The following LPP variants were observed in gnomAD, a reference collection of about 807,000 sequenced individuals.
LPP encodes the protein lipoma-preferred partner.
LPP carries 38 observed loss-of-function variants against 60.4 expected under a neutral mutation model. That is an observed-to-expected ratio of 0.63 (90% CI 0.49 to 0.83). The LOEUF (loss-of-function observed/expected upper bound fraction) is 0.83. Ranked by LOEUF, LPP falls within the 40% of genes least tolerant of loss-of-function variation. The pLI is 0.00. For synonymous variants in LPP, 328 were observed against 290.8 expected (o/e 1.13, Z -1.30); for missense variants, 902 against 783.6 (o/e 1.15, Z -1.80).
Position 188,816,597 on chromosome 3 carries a change from C to T in LPP, c.1411-49603C>T, listed in dbSNP as rs796083848. On this transcript the variant is annotated intron_variant, in intron 9 of 11. Transcript: ENST00000617246. ...CTTATACCTCCCTTCATGTATGTTACATGTACATGTATTGAGTCAGTGCAT... is the reference window on the plus strand; with the variant it reads ...CTTATACCTCCCTTCATGTATGTTATATGTACATGTATTGAGTCAGTGCAT... Among the ~76,000 whole-genome samples the T allele has an allele frequency of 2.0e-5, 3 of 152,154 alleles. No homozygotes were observed. In the South Asian group the frequency reaches 6.2e-4, roughly 31 times the overall value.
At chr3:188,310,179 C>A (rs932706081) in intron 2 of LPP, among the ~76,000 whole-genome samples, 8 of 150,544 alleles carry the variant, frequency 5.3e-5, no homozygotes, top group Non-Finnish European at 8.9e-5. Context: ...TTATTTGTTT[C>A]TATCAGGATA....
intron 4 of LPP, among the ~76,000 whole-genome samples, chr3:188,473,014 C>T (rs1200588560): frequency 6.6e-6 from 1 of 152,086 alleles, no homozygotes; most frequent in East Asian, 1.9e-4. Flanking sequence ...TGTGGTTCTA[C>T]ATTCTTTGAC....
intron 2 of LPP, among the ~76,000 whole-genome samples, chr3:188,286,189 G>C (rs1035569973): frequency 6.6e-6 from 1 of 152,162 alleles, no homozygotes; most frequent in African/African-American, 2.4e-5. Flanking sequence ...GACTTTCCCA[G>C]AGGAAGTCAT....
At chr3:188,337,624 C>T (rs942618910) in intron 2 of LPP, among the ~76,000 whole-genome samples, 5 of 152,086 alleles carry the variant, frequency 3.3e-5, no homozygotes. Flanking sequence ...TGGTACACTG[C>T]CTTAGTTATT....
At chr3:188,203,511 A>ATTTTTAAATATATATATT (rs532663137) in intron 1 of LPP, among the ~76,000 whole-genome samples, 1 of 54,272 alleles carries the variant, frequency 1.8e-5, no homozygotes, top group Admixed American at 3.5e-4. Context: ...AAATATATAT[A>ATTTTTAAATATATATATT]TTTAAATATA....
At chr3:188,368,694 A>T (rs1350611350) in intron 3 of LPP, among the ~76,000 whole-genome samples, 9 of 116,330 alleles carry the variant, frequency 7.7e-5, no homozygotes, top group African/African-American at 2.9e-4. Context: ...ACACACACAC[A>T]CACACACACA....
At chr3:188,341,135 G>T (rs749733362) in intron 2 of LPP, among the ~76,000 whole-genome samples, 1 of 152,074 alleles carries the variant, frequency 6.6e-6, no homozygotes, top group Non-Finnish European at 1.5e-5. Flanking sequence ...TCAAATAGCT[G>T]GTTTTATTTT....
At chr3:188,498,942 T>G (rs1486382373) in intron 5 of LPP, among the ~76,000 whole-genome samples, 5 of 152,208 alleles carry the variant, frequency 3.3e-5, no homozygotes, top group Admixed American at 6.5e-5. Context: ...GCCATTTGTA[T>G]ATATATATCT....
intron 6 of LPP, among the ~76,000 whole-genome samples, chr3:188,580,756 A>G (rs1401758651): frequency 1.3e-5 from 2 of 152,160 alleles, no homozygotes; most frequent in African/African-American, 4.8e-5. Flanking sequence ...CAGAATCAGT[A>G]GAAGATATAT....
intron 6 of LPP, among the ~76,000 whole-genome samples, chr3:188,538,960 G>T (rs1395260293): frequency 6.6e-6 from 1 of 152,150 alleles, no homozygotes; most frequent in Non-Finnish European, 1.5e-5. Flanking sequence ...CCATTTATAT[G>T]AATGGGCAAA....
chr3:188,723,815 T>G (rs1717366140), intron 8 of LPP, among the ~76,000 whole-genome samples: 1 of 152,240 alleles, frequency 6.6e-6, no homozygotes, highest in Non-Finnish European at 1.5e-5. Flanking sequence ...CTATTGTATT[T>G]GATTCATAAC....
chr3:188,686,255 A>G (rs770836194), intron 7 of LPP, among the ~76,000 whole-genome samples: 39 of 152,320 alleles, frequency 2.6e-4, no homozygotes, highest in Non-Finnish European at 4.9e-4. Flanking sequence ...ACCAAAGTGC[A>G]TGGCACTTCC....
intron 3 of LPP, among the ~76,000 whole-genome samples, chr3:188,371,803 C>T (rs1773334059): frequency 1.3e-5 from 2 of 149,552 alleles, no homozygotes; most frequent in South Asian, 4.2e-4. Flanking sequence ...TGCAGGTGTG[C>T]ACCACGACAC....
At chr3:188,576,381 T>C (rs1157468762) in intron 6 of LPP, among the ~76,000 whole-genome samples, 2 of 152,170 alleles carry the variant, frequency 1.3e-5, no homozygotes, top group East Asian at 3.9e-4. Flanking sequence ...TGGTAGAATG[T>C]TGAGTGGTTC....
At chr3:188,562,883 G>A (rs1238084719) in intron 6 of LPP, among the ~76,000 whole-genome samples, 1 of 151,990 alleles carries the variant, frequency 6.6e-6, no homozygotes, top group East Asian at 1.9e-4. Flanking sequence ...CAAATGATTT[G>A]TTATTACACA....
At chr3:188,839,978 G>C (rs2151717648) in intron 9 of LPP, among the ~76,000 whole-genome samples, 1 of 152,080 alleles carries the variant, frequency 6.6e-6, no homozygotes, top group South Asian at 2.1e-4. Context: ...ATTATAAATT[G>C]CTGCTTTACA....
chr3:188,486,572 G>A (rs1424010839), intron 5 of LPP, among the ~76,000 whole-genome samples: 1 of 152,048 alleles, frequency 6.6e-6, no homozygotes, highest in African/African-American at 2.4e-5. Flanking sequence ...GAGATTTCTT[G>A]GGGAGTGTAT....
At chr3:188,665,034 C>T (rs185633150) in intron 7 of LPP, among the ~76,000 whole-genome samples, 2 of 152,262 alleles carry the variant, frequency 1.3e-5, no homozygotes, top group Non-Finnish European at 2.9e-5. Context: ...TCAGTGACCA[C>T]GTCTTTGGAG....
chr3:188,790,490 T>G (rs1274865231), intron 9 of LPP, among the ~76,000 whole-genome samples: 42 of 152,102 alleles, frequency 2.8e-4, no homozygotes, highest in Admixed American at 2.8e-3. Context: ...ACAGTTGAAT[T>G]TTTGAATTTT....
Sources: allele counts gnomAD v4.1 joint callset (sites outside exome capture counted in the v4.1 genomes callset), GRCh38; gene constraint gnomAD v4.1.1; transcripts MANE v1.5; gene names NCBI Gene and HGNC (gene_info 2026-07-23, HGNC 2026-07-21).